Variants in TKT observed in about 807,000 individuals in gnomAD.
The protein encoded by TKT is transketolase, also known as epididymis luminal protein 107.
TKT carries 47 observed loss-of-function variants against 63.9 expected under a neutral mutation model. The ratio of observed to expected loss-of-function variants is 0.74; its 90% CI spans 0.58 to 0.94. TKT has a LOEUF of 0.94. Ranked by LOEUF, TKT falls within the 40% of genes least tolerant of loss-of-function variation. The pLI, the probability that TKT is intolerant of heterozygous loss-of-function variation, is 0.00. For synonymous variants in TKT, 338 were observed against 334.1 expected, an observed-to-expected ratio of 1.01 and a Z score of -0.13; for missense variants, 721 against 846.2, an observed-to-expected ratio of 0.85 and a Z score of 1.84.
At chr3:53,232,319 G>A (rs545402981) in intron 6 of TKT, 10 of 398,964 alleles carry the variant, frequency 2.5e-5, no homozygotes, top group African/African-American at 4.1e-5. Context: ...CCCTTTCCTC[G>A]ACATCCACCC....
At chr3:53,248,735 T>A (rs61160540) in intron 1 of TKT, among the ~76,000 whole-genome samples, 1 of 151,982 alleles carries the variant, frequency 6.6e-6, no homozygotes, top group Admixed American at 6.6e-5. Flanking sequence ...TTCTGTATAA[T>A]TGCATTTATA....
At chr3:53,254,958 C>T (rs1009805776) in intron 1 of TKT, among the ~76,000 whole-genome samples, 35 of 152,246 alleles carry the variant, frequency 2.3e-4, no homozygotes, top group African/African-American at 8.2e-4. Context: ...AGATACAGCA[C>T]CTGGTGGCTG....
intron 8 of TKT, 127 bp downstream of exon 8, chr3:53,230,330 T>A: frequency 7.8e-7 from 1 of 1,286,082 alleles, no homozygotes; most frequent in Non-Finnish European, 1.1e-6. Context: ...GGGTCCTGGC[T>A]TTTCTTATAG....
At chr3:53,241,273 G>T (rs1705262252) in intron 2 of TKT, 28 bp from the exon 3 acceptor site, 2 of 1,581,704 alleles carry the variant, frequency 1.3e-6, no homozygotes, top group African/African-American at 1.4e-5. Context: ...GTGGGGTGAG[G>T]TCAGGTGGGG....
At chr3:53,244,193 C>T (rs139118407) in intron 1 of TKT, among the ~76,000 whole-genome samples, 5 of 152,336 alleles carry the variant, frequency 3.3e-5, no homozygotes, top group African/African-American at 7.2e-5. Flanking sequence ...CAGCCTGCTG[C>T]GGCCACTCTC....
Position 53,230,742 on chromosome 3 carries a change from A to G in TKT, c.943-121T>C, listed in dbSNP as rs868925512. Reference sequence around the variant, plus strand: ...GCCAAAAATGGAAGCCCTGGAGCACAAGGTCCTGCAGAGGCTTTTAACTGC... The same window carrying G: ...GCCAAAAATGGAAGCCCTGGAGCACGAGGTCCTGCAGAGGCTTTTAACTGC... On this transcript the variant is annotated intron_variant, in intron 7 of 13. Transcript: ENST00000462138. 5.9e-5 allele frequency: 72 copies of G among 1,223,172 alleles called. No homozygotes were observed. In the Middle Eastern group the frequency reaches 1.9e-3, roughly 32 times the overall value. 75.8% of individuals were successfully genotyped at this position (1,223,172 alleles called of 1,614,324 possible).
chr3:53,244,091 G>A (rs1393732852), intron 1 of TKT, among the ~76,000 whole-genome samples: 2 of 152,218 alleles, frequency 1.3e-5, no homozygotes, highest in Non-Finnish European at 2.9e-5. Context: ...GGTCAGCTGC[G>A]AGGTGACCAA....
At chr3:53,236,639 A>T (rs1185332450) in intron 4 of TKT, among the ~76,000 whole-genome samples, 4 of 152,214 alleles carry the variant, frequency 2.6e-5, no homozygotes, top group Admixed American at 2.6e-4. Context: ...AGCCAACTCG[A>T]CTTCCCAGAA....
chr3:53,250,011 G>A (rs1553681436), intron 1 of TKT, among the ~76,000 whole-genome samples: 1 of 152,222 alleles, frequency 6.6e-6, no homozygotes, highest in Non-Finnish European at 1.5e-5. Flanking sequence ...AGGAAGCCAC[G>A]ACAAAGTCTC....
At chr3:53,228,835 G>T in intron 10 of TKT, 172 bp downstream of exon 10, 1 of 900,656 alleles carries the variant, frequency 1.1e-6, no homozygotes, top group Non-Finnish European at 1.7e-6. Context: ...GTGGCAGTAA[G>T]TGGGGTGTGT....
At chr3:53,253,297 T>C (rs1218130434) in intron 1 of TKT, among the ~76,000 whole-genome samples, 2 of 151,794 alleles carry the variant, frequency 1.3e-5, no homozygotes, top group East Asian at 3.9e-4. Context: ...GGCCTTTCTT[T>C]CTTTCTCTCT....
At chr3:53,243,887 G>T (rs1184636484) in intron 1 of TKT, among the ~76,000 whole-genome samples, 1 of 152,192 alleles carries the variant, frequency 6.6e-6, no homozygotes, top group Non-Finnish European at 1.5e-5. Flanking sequence ...GGTGGACACT[G>T]GGCCAAACTG....
chr3:53,226,056 G>C (rs1417932700), intron 13 of TKT, 125 bp from the exon 14 acceptor site: 1 of 823,676 alleles, frequency 1.2e-6, no homozygotes, highest in African/African-American at 1.7e-5. Flanking sequence ...TCCACCTGTA[G>C]CCATGAGCCC....
intron 6 of TKT, chr3:53,232,372 C>A (rs915084121): frequency 1.3e-5 from 5 of 398,788 alleles, no homozygotes; most frequent in African/African-American, 4.1e-5. Flanking sequence ...CCACTCAGAA[C>A]ATCCTCATAT....
At chr3:53,243,914 G>A (rs890766903) in intron 1 of TKT, among the ~76,000 whole-genome samples, 13 of 152,370 alleles carry the variant, frequency 8.5e-5, no homozygotes, top group African/African-American at 3.1e-4. Context: ...GGAAGAACAA[G>A]GACGGTAAGT....
intron 12 of TKT, chr3:53,227,497 G>A (rs1553675803): frequency 6.3e-6 from 1 of 158,516 alleles, no homozygotes; most frequent in South Asian, 1.8e-4. Flanking sequence ...TCTGGAAGAT[G>A]CCACACCTGC....
At chr3:53,245,493 T>A (rs12485313) in intron 1 of TKT, among the ~76,000 whole-genome samples, 1 of 151,974 alleles carries the variant, frequency 6.6e-6, no homozygotes, top group Non-Finnish European at 1.5e-5. Flanking sequence ...CAAGAGATAA[T>A]GGATGTCAGG....
At chr3:53,254,565 T>C (rs1461199571) in intron 1 of TKT, among the ~76,000 whole-genome samples, 1 of 152,252 alleles carries the variant, frequency 6.6e-6, no homozygotes, top group African/African-American at 2.4e-5. Flanking sequence ...GAATCTTGTC[T>C]GTCTGAAACA....
At chr3:53,251,449 A>G (rs1705742390) in intron 1 of TKT, among the ~76,000 whole-genome samples, 1 of 152,108 alleles carries the variant, frequency 6.6e-6, no homozygotes, top group South Asian at 2.1e-4. Flanking sequence ...GACCCCAGAG[A>G]AGCTCTAGCC....
Sources: gnomAD v4.1 joint callset for allele counts (sites outside exome capture counted in the v4.1 genomes callset) on GRCh38, gnomAD v4.1.1 for gene constraint, MANE v1.5 for transcripts, NCBI Gene and HGNC (gene_info 2026-07-23, HGNC 2026-07-21) for gene names.